ADAMTSL1: variants seen among roughly 807,000 people sequenced by gnomAD.
ADAMTSL1 encodes ADAMTS like 1.
In ADAMTSL1, 126 loss-of-function variants were observed where a neutral mutation model predicts 201.8. The ratio of observed to expected loss-of-function variants is 0.62; its 90% CI spans 0.54 to 0.72. The LOEUF is 0.72. ADAMTSL1 is among the 30% of genes least tolerant of loss of function. The pLI, the probability that ADAMTSL1 is intolerant of heterozygous loss-of-function variation, is 0.00. For synonymous variants in ADAMTSL1, 1,121 were observed against 903.4 expected (o/e 1.24, Z -4.32); for missense variants, 2,679 against 2,277.8 (o/e 1.18, Z -3.59).
chr9:17,982,045 T>C (rs142633837), intron 1 of ADAMTSL1, among the ~76,000 whole-genome samples: 55 of 152,316 alleles, frequency 3.6e-4, no homozygotes, highest in African/African-American at 1.3e-3. Flanking sequence ...GAAGGCCTGG[T>C]TTATGAATAA....
At chr9:18,271,444 T>C (rs1269780522) in intron 2 of ADAMTSL1, among the ~76,000 whole-genome samples, 2 of 152,094 alleles carry the variant, frequency 1.3e-5, no homozygotes, top group Non-Finnish European at 2.9e-5. Context: ...TTTGTCCTTG[T>C]GATAGTTTAC....
rs558911585 is a variant in ADAMTSL1, at chr9:18,866,677, G to A, written c.4250-21154G>A. On this transcript the variant is annotated intron_variant, in intron 23 of 28. Transcript: ENST00000380548. ...AGCAGAGGGACATTGCCTCAGGAAT[G>A]AGAGGCTATGTTAGGATTGTTGTAG... is the stretch of plus-strand genomic sequence containing the variant. Among the ~76,000 whole-genome samples, 11 of 152,326 alleles carry A rather than the reference G, an allele frequency of 7.2e-5. No homozygotes were observed. In the South Asian group the frequency reaches 1.2e-3, roughly 17 times the overall value.
intron 6 of ADAMTSL1, 78 bp from the exon 7 acceptor site, chr9:18,639,176 C>G: frequency 2.1e-6 from 3 of 1,424,546 alleles, no homozygotes; most frequent in Non-Finnish European, 2.9e-6. Context: ...TAGCTCTAAA[C>G]ATTGTTGCAT....
At chr9:18,838,960 G>C (rs1825519331) in intron 23 of ADAMTSL1, among the ~76,000 whole-genome samples, 1 of 149,252 alleles carries the variant, frequency 6.7e-6, no homozygotes, top group Non-Finnish European at 1.5e-5. Flanking sequence ...TCTTACTTAG[G>C]TGCTGTTCAA....
chr9:18,544,991 G>A (rs1395935741), intron 3 of ADAMTSL1, among the ~76,000 whole-genome samples: 4 of 152,174 alleles, frequency 2.6e-5, no homozygotes, highest in Non-Finnish European at 2.9e-5. Flanking sequence ...CTCCTGGCTA[G>A]CTCCACGAGC....
intron 1 of ADAMTSL1, among the ~76,000 whole-genome samples, chr9:18,053,946 A>G (rs1822055585): frequency 6.6e-6 from 1 of 151,432 alleles, no homozygotes; most frequent in African/African-American, 2.4e-5. Flanking sequence ...ATCTGTATCA[A>G]CGTTTTGATG....
At chr9:18,645,693 A>G (rs907061941) in intron 7 of ADAMTSL1, among the ~76,000 whole-genome samples, 1 of 149,762 alleles carries the variant, frequency 6.7e-6, no homozygotes, top group Non-Finnish European at 1.5e-5. Flanking sequence ...AAGATCAGAT[A>G]GTTGTAGATA....
chr9:18,814,652 A>G (rs760508413), intron 20 of ADAMTSL1, among the ~76,000 whole-genome samples: 5 of 152,198 alleles, frequency 3.3e-5, no homozygotes, highest in Non-Finnish European at 7.3e-5. Context: ...CAAATACTGC[A>G]TGTTCTCACC....
chr9:18,178,600 G>A (rs1828292865), intron 2 of ADAMTSL1, among the ~76,000 whole-genome samples: 1 of 151,774 alleles, frequency 6.6e-6, no homozygotes, highest in African/African-American at 2.4e-5. Context: ...AAAGACAGCA[G>A]TAACCTCTGC....
At chr9:17,939,534 T>C (rs2131341959) in intron 1 of ADAMTSL1, among the ~76,000 whole-genome samples, 1 of 152,272 alleles carries the variant, frequency 6.6e-6, no homozygotes, top group Non-Finnish European at 1.5e-5. Context: ...TTGGTAACAA[T>C]GATGTATGAC....
intron 17 of ADAMTSL1, among the ~76,000 whole-genome samples, chr9:18,773,410 AAAAG>A (rs529462622): frequency 5.0e-4 from 76 of 152,318 alleles, no homozygotes; most frequent in African/African-American, 1.7e-3. Flanking sequence ...AAAAAATTCT[AAAAG>A]AAAGAATAAT....
At chr9:18,785,273 GT>G (rs780027428) in intron 19 of ADAMTSL1, among the ~76,000 whole-genome samples, 29 of 152,132 alleles carry the variant, frequency 1.9e-4, no homozygotes, top group Non-Finnish European at 3.2e-4. Flanking sequence ...ACTTGCCACT[GT>G]TTTATAAGAA....
intron 1 of ADAMTSL1, among the ~76,000 whole-genome samples, chr9:17,987,488 A>G (rs1451708076): frequency 1.3e-5 from 2 of 152,090 alleles, no homozygotes; most frequent in Non-Finnish European, 2.9e-5. Context: ...AATTTAAACG[A>G]AATATGGAAG....
In ADAMTSL1 at chr9:18,892,341, C is replaced by T. The variant is rs752513042; in HGVS notation, c.4644-48C>T. The T allele has an allele frequency of 7.7e-6, 12 of 1,563,934 alleles. No homozygotes were observed. The Admixed American group carries it at 1.3e-4, about 17-fold the overall frequency. On this transcript the variant is annotated intron_variant, in intron 25 of 28. Coordinates refer to ENST00000380548, the MANE Select transcript of ADAMTSL1 (RefSeq NM_001040272.6). The stretch of plus-strand genomic sequence containing the variant: ...CGGTGGGGAGGAGGTCTCTTTTCCC[C>T]AGGGCCTGTCCCTTTAGGGCTCTCC...
chr9:18,345,784 T>C (rs1835686580), intron 2 of ADAMTSL1, among the ~76,000 whole-genome samples: 1 of 152,060 alleles, frequency 6.6e-6, no homozygotes, highest in Admixed American at 6.6e-5. Flanking sequence ...ACCATGGGGT[T>C]CCATAGCTCA....
At position 18,537,988 on chromosome 9, in the gene ADAMTSL1, GGAA is replaced by G. The variant is rs111657328; in HGVS notation, c.237+4710_237+4712del. Among the ~76,000 whole-genome samples, 367 of 151,148 alleles carry G rather than the reference GGAA, an allele frequency of 2.4e-3. 1 individual carries two copies. The highest frequency in any genetic ancestry group is 6.5e-3 in the African/African-American group (267 of 41,036). ...AGAAGAAAGAAGAAGAGGAGGAAGA[GGAA>G]GAAGAAGAAGAAGGAGGAGGAGGAG... On this transcript the variant is annotated intron_variant, in intron 3 of 28. Transcript: ENST00000380548.
intron 1 of ADAMTSL1, among the ~76,000 whole-genome samples, chr9:17,914,371 G>A (rs10963338): frequency 0.097 from 14,796 of 152,108 alleles, 954 homozygotes; most frequent in Middle Eastern, 0.16. Flanking sequence ...TTCAATATAC[G>A]TAAATCAATA....
chr9:17,925,872 A>G (rs1401382768), intron 1 of ADAMTSL1, among the ~76,000 whole-genome samples: 2 of 151,858 alleles, frequency 1.3e-5, no homozygotes, highest in East Asian at 1.9e-4. Flanking sequence ...AAAAAAGAAA[A>G]CCATCCAAAG....
chr9:18,298,524 C>G (rs892420368), intron 2 of ADAMTSL1, among the ~76,000 whole-genome samples: 1 of 152,010 alleles, frequency 6.6e-6, no homozygotes, highest in African/African-American at 2.4e-5. Flanking sequence ...GAGTAAAAGA[C>G]GAGGGTGTGT....
Sources: allele counts gnomAD v4.1 joint callset (sites outside exome capture counted in the v4.1 genomes callset), GRCh38; gene constraint gnomAD v4.1.1; transcripts MANE v1.5; gene names NCBI Gene and HGNC (gene_info 2026-07-23, HGNC 2026-07-21).